CCDC3: variants seen among roughly 807,000 people sequenced by gnomAD.
CCDC3 encodes coiled-coil domain-containing protein 3.
A neutral mutation model predicts 21.4 loss-of-function variants in CCDC3; 24 were observed. That is an observed-to-expected ratio of 1.12 (90% CI 0.81 to 1.58). The LOEUF (loss-of-function observed/expected upper bound fraction) is 1.58. Among genes scored for constraint, CCDC3 ranks in the 40% most tolerant of loss-of-function variants. CCDC3 has a pLI of 0.00. For missense variants in CCDC3, 425 were observed against 360.9 expected, an observed-to-expected ratio of 1.18 and a Z score of -1.44; for synonymous variants, 186 against 166.0, an observed-to-expected ratio of 1.12 and a Z score of -0.93.
chr10:13,058,208 T>C (rs1836707391), intron 4 of CCDC3: 1 of 1,262,812 alleles, frequency 7.9e-7, no homozygotes, highest in Non-Finnish European at 1.1e-6. Flanking sequence ...AAAAACTTGA[T>C]TGCCAGCGGT....
chr10:13,049,452 A>C (rs537206904), intron 5 of CCDC3, among the ~76,000 whole-genome samples: 2 of 152,154 alleles, frequency 1.3e-5, no homozygotes, highest in African/African-American at 4.8e-5. Context: ...TGCTCTTTGG[A>C]ACCCTCAGTT....
intron 5 of CCDC3, among the ~76,000 whole-genome samples, chr10:13,039,352 G>T (rs1042389574): frequency 6.6e-6 from 1 of 152,108 alleles, no homozygotes; most frequent in Non-Finnish European, 1.5e-5. Context: ...GAACCTGGGA[G>T]GCGGAGGTTT....
intron 5 of CCDC3, among the ~76,000 whole-genome samples, chr10:13,047,868 T>A (rs148944937): frequency 1.3e-5 from 2 of 152,078 alleles, no homozygotes; most frequent in South Asian, 4.1e-4. Flanking sequence ...CCGGAAGAAA[T>A]AAACATGGAG....
chr10:13,005,079 C>G (rs1024218849), upstream of CCDC3, among the ~76,000 whole-genome samples: 25 of 152,182 alleles, frequency 1.6e-4, no homozygotes, highest in African/African-American at 6.0e-4. Context: ...GAATCAGTGT[C>G]CATGTGTACT....
At chr10:13,035,034 A>T (rs1019290773) in intron 5 of CCDC3, among the ~76,000 whole-genome samples, 17 of 36,658 alleles carry the variant, frequency 4.6e-4, no homozygotes, top group African/African-American at 9.9e-4. Flanking sequence ...TCAAAAAATT[A>T]AAAAAAAAAA....
rs910939732 is a variant in CCDC3 at position 12,899,837 on chromosome 10, T to C, written c.550-1158A>G. On this transcript the variant is annotated intron_variant, in intron 2 of 2. Transcript: ENST00000378825. ...AGCAGAGAAGACAGGAAGAAGAAGA[T>C]TCATTTTCACTTTTGTACTTTTTGA... 1.4e-4 allele frequency among the ~76,000 whole-genome samples: 22 copies of C among 152,166 alleles called. 2 individuals are homozygous for C. Among genetic ancestry groups the C allele is most frequent in the Admixed American group, 1.2e-3 (19 of 15,282 alleles).
At chr10:12,909,058 C>T (rs181155618) in intron 2 of CCDC3, among the ~76,000 whole-genome samples, 2 of 152,278 alleles carry the variant, frequency 1.3e-5, no homozygotes, top group African/African-American at 2.4e-5. Flanking sequence ...TTCCTGGTAT[C>T]CTTGGACACT....
At chr10:12,901,260 A>C (rs974826253) in intron 2 of CCDC3, among the ~76,000 whole-genome samples, 1 of 151,940 alleles carries the variant, frequency 6.6e-6, no homozygotes, top group South Asian at 2.1e-4. Flanking sequence ...TACCTCTTAC[A>C]TTATTTTTTC....
At chr10:12,909,971 C>T (rs770448529) in intron 2 of CCDC3, among the ~76,000 whole-genome samples, 3 of 152,200 alleles carry the variant, frequency 2.0e-5, no homozygotes, top group South Asian at 2.1e-4. Context: ...GGCTGAAAAC[C>T]CCAAGGGCTC....
intron 5 of CCDC3, among the ~76,000 whole-genome samples, chr10:13,039,035 C>T (rs201373024): frequency 2.6e-5 from 4 of 152,156 alleles, no homozygotes; most frequent in East Asian, 1.9e-4. Flanking sequence ...CAAAATATCT[C>T]GGAGAGCTCA....
intron 3 of CCDC3, among the ~76,000 whole-genome samples, chr10:13,093,722 C>T (rs1432110294): frequency 6.6e-6 from 1 of 152,028 alleles, no homozygotes; most frequent in Non-Finnish European, 1.5e-5. Context: ...TGTCCTCCCT[C>T]ACTCCACCAT....
At chr10:12,911,439 G>A (rs938174333) in intron 2 of CCDC3, among the ~76,000 whole-genome samples, 1 of 152,126 alleles carries the variant, frequency 6.6e-6, no homozygotes, top group Non-Finnish European at 1.5e-5. Flanking sequence ...ATAAACTAAT[G>A]AGAAATGGGA....
intron 2 of CCDC3, among the ~76,000 whole-genome samples, chr10:12,910,650 C>G (rs1274775485): frequency 6.9e-6 from 1 of 144,426 alleles, no homozygotes; most frequent in Non-Finnish European, 1.5e-5. Flanking sequence ...TGCTCTGTTG[C>G]CCAGGCTAGA....
chr10:13,005,318 G>A (rs926184383), upstream of CCDC3, among the ~76,000 whole-genome samples: 8 of 152,198 alleles, frequency 5.3e-5, no homozygotes, highest in African/African-American at 9.7e-5. Context: ...AAGAGGCAAC[G>A]TACCTTCAGA....
upstream of CCDC3, among the ~76,000 whole-genome samples, chr10:13,005,297 C>A (rs1835913344): frequency 6.6e-6 from 1 of 152,184 alleles, no homozygotes; most frequent in African/African-American, 2.4e-5. Flanking sequence ...GGCCATAAAC[C>A]ATATGAGTGG....
intron 3 of CCDC3, among the ~76,000 whole-genome samples, chr10:13,097,054 G>A (rs969307537): frequency 2.6e-5 from 4 of 152,180 alleles, no homozygotes; most frequent in Non-Finnish European, 4.4e-5. Context: ...AAAGGGACTC[G>A]TTGCTAACTC....
At chr10:12,981,371 G>T (rs116252813) in intron 2 of CCDC3, among the ~76,000 whole-genome samples, 2,964 of 151,970 alleles carry the variant, frequency 0.02, 95 homozygotes, top group African/African-American at 0.067. Flanking sequence ...TTTTAGTGGA[G>T]ACAGTGTTTC....
At chr10:12,900,303 C>T (rs1355508881) in intron 2 of CCDC3, among the ~76,000 whole-genome samples, 1 of 152,034 alleles carries the variant, frequency 6.6e-6, no homozygotes, top group Admixed American at 6.6e-5. Flanking sequence ...CAATCTTTCT[C>T]CTTTCTCCCA....
chr10:13,044,517 T>A (rs1270541907), intron 5 of CCDC3, among the ~76,000 whole-genome samples: 2 of 152,238 alleles, frequency 1.3e-5, no homozygotes, highest in East Asian at 3.8e-4. Flanking sequence ...CTTGAGTTAA[T>A]TTTTCTACAT....
Sources: allele counts gnomAD v4.1 joint callset (sites outside exome capture counted in the v4.1 genomes callset), GRCh38; gene constraint gnomAD v4.1.1; transcripts MANE v1.5; gene names NCBI Gene and HGNC (gene_info 2026-07-23, HGNC 2026-07-21).